The following NLGN2 variants were observed in gnomAD, a reference collection of about 807,000 sequenced individuals.
NLGN2 encodes neuroligin-2.
In NLGN2, 11 loss-of-function variants were observed where a neutral mutation model predicts 48.6. The observed-to-expected ratio is 0.23, with a 90% CI of 0.14 to 0.37. The LOEUF (loss-of-function observed/expected upper bound fraction) is 0.37. NLGN2 is among the 10% of genes least tolerant of loss of function. The probability of loss-of-function intolerance (pLI) is 1.00; values close to 1 mark genes in which losing one functional copy is unlikely to be tolerated. For synonymous variants in NLGN2, 548 were observed against 550.0 expected, an observed-to-expected ratio of 1.00 and a Z score of 0.05; for missense variants, 801 against 1,225.2, an observed-to-expected ratio of 0.65 and a Z score of 5.17.
At position 7,414,291 on chromosome 17, in the gene NLGN2, C is replaced by T. The variant is rs1907007046; in HGVS notation, c.509-53C>T. 11 of 1,552,200 alleles carry T rather than the reference C, an allele frequency of 7.1e-6. No individual in the cohort carries two copies. The East Asian group carries it at 2.3e-4, about 32-fold the overall frequency. ...CTGGGCGCTGCTGCTTCCGGTCTGACTGTGTCCTTGTCCCTGACCCCCTGG... is the reference window on the plus strand; with the variant it reads ...CTGGGCGCTGCTGCTTCCGGTCTGATTGTGTCCTTGTCCCTGACCCCCTGG... On this transcript the variant is annotated intron_variant, in intron 2 of 6. Coordinates refer to ENST00000302926, the MANE Select transcript of NLGN2 (RefSeq NM_020795.4).
intron 1 of NLGN2, among the ~76,000 whole-genome samples, chr17:7,409,930 G>A (rs1373785575): frequency 2.0e-5 from 3 of 152,038 alleles, no homozygotes; most frequent in African/African-American, 4.8e-5. Flanking sequence ...GTGCTCCCCA[G>A]CATCCCTGGA....
Position 7,414,346 on chromosome 17 carries a change from A to G in NLGN2, c.511A>G (p.Ile171Val), listed in dbSNP as rs1366043523. The G allele has an allele frequency of 6.3e-7, 1 of 1,591,494 alleles. No homozygotes were observed. Among genetic ancestry groups the G allele is most frequent in the East Asian group, 2.2e-5 (1 of 44,748 alleles). ...CCTGCCCACCCCTCCCCACACAGAT[A>G]TCCGTGACCCTGGGAAGAAGCCTGT... The part of the protein sequence containing the change: ...EATLNPPDTD[I>V]RDPGKKPVML... Residue 171 changes from isoleucine to valine, a missense_variant and splice_region_variant, in exon 3 of 7, where the codon ATC (isoleucine) becomes GTC (valine). Transcript: ENST00000302926.
intron 6 of NLGN2, among the ~76,000 whole-genome samples, chr17:7,416,315 C>T (rs1416152215): frequency 6.6e-6 from 1 of 152,142 alleles, no homozygotes; most frequent in Non-Finnish European, 1.5e-5. Flanking sequence ...AGTTGGGGGC[C>T]CACTCAGTGG....
rs1907243736 is a variant in NLGN2 at position 7,418,533 on chromosome 17, C to G, written c.*734C>G. On this transcript the variant is annotated 3_prime_UTR_variant, in exon 7 of 7. Coordinates refer to ENST00000302926, the MANE Select transcript of NLGN2 (RefSeq NM_020795.4). ...TGCCTGGAAGCTTATTTTCCCGTGG[C>G]CAGGACGCATTTCTCTGAGTGGAAA... is the stretch of plus-strand genomic sequence containing the variant. 1 of 152,232 alleles carries G rather than the reference C, an allele frequency of 6.6e-6. No individual in the cohort carries two copies. The highest frequency in any genetic ancestry group is 6.5e-5 in the Admixed American group (1 of 15,278). 9.4% of individuals were successfully genotyped at this position (152,232 alleles called of 1,614,324 possible). A position where few individuals can be genotyped will look rare whatever the true frequency, so the allele number is the denominator to read the frequency against.
In NLGN2 at chr17:7,415,557, G is replaced by A. The variant is rs968167162; in HGVS notation, c.1084G>A (p.Asp362Asn). The A allele has an allele frequency of 6.2e-7, 1 of 1,614,258 alleles. No homozygotes were observed. The highest frequency in any genetic ancestry group is 1.1e-5 in the South Asian group (1 of 91,088). Residue 362 changes from aspartate to asparagine, a missense_variant, in exon 6 of 7, where the codon GAT (aspartate) becomes AAT (asparagine). Physicochemically the swap from Asp to Asn is conservative, Grantham distance 23. Transcript: ENST00000302926. ...CGTGGTGGATGGCGACGTGGTCCCC[G>A]ATGACCCTGAGATCCTCATGCAGCA... is the stretch of plus-strand genomic sequence containing the variant. The part of the protein sequence containing the change: ...GPVVDGDVVP[D>N]DPEILMQQGE...
Position 7,417,465 on chromosome 17 carries a change from G to A in NLGN2, c.2174G>A (p.Gly725Glu). ...PGGSGSGVPG[G>E]GPLLPAAGRE... ...GGCTCAGGCTCTGGCGTGCCTGGTG[G>A]GGGCCCCCTGCTCCCCGCCGCGGGC... Residue 725 changes from glycine to glutamate, a missense_variant, in exon 7 of 7, where the codon GGG becomes GAG. Physicochemically the swap from Gly to Glu is moderately conservative, Grantham distance 98. Transcript: ENST00000302926. 1 of 1,553,470 alleles carries A rather than the reference G, an allele frequency of 6.4e-7. No individual in the cohort carries two copies. Among genetic ancestry groups the A allele is most frequent in the Non-Finnish European group, 8.7e-7 (1 of 1,153,518 alleles).
intron 5 of NLGN2, 78 bp downstream of exon 5, chr17:7,415,226 C>G (rs890755694): frequency 7.2e-7 from 1 of 1,392,572 alleles, no homozygotes; most frequent in African/African-American, 1.4e-5. Context: ...GTGGGCATAC[C>G]ATTTGGCAAG....
rs1906962265 is a variant in NLGN2, at chr17:7,413,030, G to C, written c.508+823G>C. 6.6e-6 allele frequency among the ~76,000 whole-genome samples: 1 copy of C among 152,136 alleles called. No individual in the cohort carries two copies. Among genetic ancestry groups the C allele is most frequent in the Admixed American group, 6.5e-5 (1 of 15,280 alleles). On this transcript the variant is annotated intron_variant, in intron 2 of 6. Coordinates refer to ENST00000302926, the MANE Select transcript of NLGN2 (RefSeq NM_020795.4). The surrounding 1 kb of genome is among the most constrained non-coding windows in gnomAD (Gnocchi z 4.9). ...TCACACTGGGAGAGGGGTGGGGTGA[G>C]GATGGGAGAACTGAGGACAATTAGG...
At chr17:7,416,718 CCCTATTTG>C (rs1252026723) in intron 6 of NLGN2, among the ~76,000 whole-genome samples, 200 bp from the exon 7 acceptor site, 2 of 152,158 alleles carry the variant, frequency 1.3e-5, no homozygotes, top group Admixed American at 1.3e-4. Flanking sequence ...CTGTCTCCAT[CCCTATTTG>C]CCTATTTGCC....
At chr17:7,412,482 A>G (rs972639265) in intron 2 of NLGN2, among the ~76,000 whole-genome samples, 1 of 152,252 alleles carries the variant, frequency 6.6e-6, no homozygotes, top group African/African-American at 2.4e-5. Flanking sequence ...TTGGAATGTC[A>G]GAAAAATAAA....
At chr17:7,416,452 C>T (rs1907106816) in intron 6 of NLGN2, among the ~76,000 whole-genome samples, 1 of 152,054 alleles carries the variant, frequency 6.6e-6, no homozygotes, top group African/African-American at 2.4e-5. Flanking sequence ...GTTTGTGTGT[C>T]TCTACTTCTG....
At chr17:7,407,773 G>A (rs1208508043), upstream of NLGN2, among the ~76,000 whole-genome samples, 1 of 152,016 alleles carries the variant, frequency 6.6e-6, no homozygotes, top group Non-Finnish European at 1.5e-5. Context: ...CAACCTAGGC[G>A]TCTGCTGAGG....
intron 1 of NLGN2, among the ~76,000 whole-genome samples, chr17:7,409,735 G>A (rs887429290): frequency 6.6e-6 from 1 of 152,084 alleles, no homozygotes; most frequent in Admixed American, 6.5e-5. Context: ...GCACCTCCAC[G>A]GCATGTGCTC....
At chr17:7,404,832 C>A (rs1906548094), upstream of NLGN2, 1 of 151,912 alleles carries the variant, frequency 6.6e-6, no homozygotes, top group Non-Finnish European at 1.5e-5. Context: ...GGGGGGTGTG[C>A]GCCGCTCTCT....
rs745350355 is a variant in NLGN2 at position 7,417,391 on chromosome 17, G to A, written c.2100G>A (p.Lys700=). 2 of 1,610,468 alleles carry A rather than the reference G, an allele frequency of 1.2e-6. No homozygotes were observed. The highest frequency in any genetic ancestry group is 1.7e-6 in the Non-Finnish European group (2 of 1,178,884). Residue 700 remains lysine (K), a synonymous_variant, in exon 7 of 7, where the codon AAG becomes AAA. Coordinates refer to ENST00000302926, the MANE Select transcript of NLGN2 (RefSeq NM_020795.4). ...NILAFAALYY[K]RDRRQELRCR... Reference sequence around the variant, plus strand: ...TGGCCTTTGCTGCCCTCTACTACAAGCGGGACCGGCGGCAGGAGCTGCGGT... The same window carrying A: ...TGGCCTTTGCTGCCCTCTACTACAAACGGGACCGGCGGCAGGAGCTGCGGT...
At position 7,411,126 on chromosome 17, in the gene NLGN2, C is replaced by T. The variant is rs1206859726; in HGVS notation, c.458-1031C>T. Among the ~76,000 whole-genome samples the T allele has an allele frequency of 6.6e-6, 1 of 152,250 alleles. No homozygotes were observed. The highest frequency in any genetic ancestry group is 1.5e-5 in the Non-Finnish European group (1 of 68,044). ...GGAAGAAGCCCTGACACTGGGCGAACCTGGTGCTCCCGGTACCTGCTGGCA... is the reference window on the plus strand; with the variant it reads ...GGAAGAAGCCCTGACACTGGGCGAATCTGGTGCTCCCGGTACCTGCTGGCA... On this transcript the variant is annotated intron_variant, in intron 1 of 6. Coordinates refer to ENST00000302926, the MANE Select transcript of NLGN2 (RefSeq NM_020795.4). This position sits in a 1 kb window ranked among gnomAD's most constrained non-coding sequence, Gnocchi z 4.5.
In NLGN2 at chr17:7,417,772, C is replaced by T. The variant is rs1265177846; in HGVS notation, c.2481C>T (p.Pro827=). 1.5e-6 allele frequency: 2 copies of T among 1,376,606 alleles called. No individual in the cohort carries two copies. The highest frequency in any genetic ancestry group is 1.9e-6 in the Non-Finnish European group (2 of 1,063,492). 85.3% of individuals were successfully genotyped at this position (1,376,606 alleles called of 1,614,324 possible). A position where few individuals can be genotyped will look rare whatever the true frequency, so the allele number is the denominator to read the frequency against. Residue 827 remains proline (P), a synonymous_variant, in exon 7 of 7, where the codon CCC becomes CCT. Coordinates refer to ENST00000302926, the MANE Select transcript of NLGN2 (RefSeq NM_020795.4). The part of the protein sequence containing the change: ...PTATSHNNTL[P]HPHSTTRV ...CCACCAGCCACAACAACACGCTACC[C>T]CACCCCCACTCCACCACTCGGGTAT... is the stretch of plus-strand genomic sequence containing the variant.
In NLGN2 at chr17:7,417,326, A is replaced by T; in HGVS notation, c.2035A>T (p.Thr679Ser). 6.2e-7 allele frequency: 1 copy of T among 1,610,700 alleles called. No homozygotes were observed. Among genetic ancestry groups the T allele is most frequent in the Non-Finnish European group, 8.5e-7 (1 of 1,178,920 alleles). Residue 679 changes from threonine to serine, a missense_variant, in exon 7 of 7, where the codon ACC becomes TCC. Coordinates refer to ENST00000302926, the MANE Select transcript of NLGN2 (RefSeq NM_020795.4). ...SRDYSTELSV[T>S]VAVGASLLFL... ...GGACTACTCCACGGAGCTGAGCGTC[A>T]CCGTGGCCGTGGGTGCCTCCCTCCT...
chr17:7,413,050 A>G lies in NLGN2; in HGVS notation c.508+843A>G, dbSNP rs1466830945. 2.0e-5 allele frequency among the ~76,000 whole-genome samples: 3 copies of G among 152,134 alleles called. No homozygotes were observed. Among genetic ancestry groups the G allele is most frequent in the Admixed American group, 6.5e-5 (1 of 15,278 alleles). On this transcript the variant is annotated intron_variant, in intron 2 of 6. Transcript: ENST00000302926. The surrounding 1 kb of genome is among the most constrained non-coding windows in gnomAD (Gnocchi z 4.9). ...GGTGAGGATGGGAGAACTGAGGACA[A>G]TTAGGACAGGACCTTGGAGGGAAGG...
Sources: gnomAD v4.1 joint callset for allele counts (sites outside exome capture counted in the v4.1 genomes callset) on GRCh38, gnomAD v4.1.1 for gene constraint, Gnocchi (gnomAD v3.1) non-coding constraint, MANE v1.5 for transcripts, NCBI Gene and HGNC (gene_info 2026-07-23, HGNC 2026-07-21) for gene names.